Variants in SMYD3 observed in about 807,000 individuals in gnomAD.
The protein encoded by SMYD3 is SET and MYND domain containing 3.
SMYD3 carries 36 observed loss-of-function variants against 57.7 expected under a neutral mutation model. The observed-to-expected ratio is 0.62, with a 90% CI of 0.48 to 0.82. The LOEUF (loss-of-function observed/expected upper bound fraction) is 0.82. Ranked by LOEUF, SMYD3 falls within the 40% of genes least tolerant of loss-of-function variation. SMYD3 has a pLI of 0.00. For missense variants in SMYD3, 515 were observed against 538.8 expected, an observed-to-expected ratio of 0.96 and a Z score of 0.44; for synonymous variants, 211 against 195.0, an observed-to-expected ratio of 1.08 and a Z score of -0.68.
chr1:245,940,494 C>G (rs1248030009), intron 5 of SMYD3, among the ~76,000 whole-genome samples: 1 of 152,098 alleles, frequency 6.6e-6, no homozygotes, highest in African/African-American at 2.4e-5. Context: ...CAGGAAGCAC[C>G]CAGGTGAATA....
intron 5 of SMYD3, among the ~76,000 whole-genome samples, chr1:246,310,241 A>G (rs569995121): frequency 1.1e-4 from 17 of 151,664 alleles, no homozygotes; most frequent in African/African-American, 4.1e-4. Flanking sequence ...AGAGGACAAG[A>G]GAAATCGGAG....
At chr1:246,357,836 G>A (rs1055571958) in intron 1 of SMYD3, among the ~76,000 whole-genome samples, 1 of 151,998 alleles carries the variant, frequency 6.6e-6, no homozygotes, top group African/African-American at 2.4e-5. Context: ...ACAAATCCTC[G>A]AAATACACCA....
At chr1:246,278,207 A>G (rs559431937) in intron 5 of SMYD3, among the ~76,000 whole-genome samples, 2 of 151,462 alleles carry the variant, frequency 1.3e-5, no homozygotes, top group Non-Finnish European at 2.9e-5. Flanking sequence ...ACTCTCATGT[A>G]TGTCGATGTC....
intron 8 of SMYD3, among the ~76,000 whole-genome samples, chr1:245,864,181 TG>T (rs1456359738): frequency 6.6e-6 from 1 of 152,184 alleles, no homozygotes; most frequent in Non-Finnish European, 1.5e-5. Context: ...GAAAACACTC[TG>T]GAAGTTCCTC....
chr1:246,185,000 T>C (rs2062609815), intron 5 of SMYD3, among the ~76,000 whole-genome samples: 2 of 152,232 alleles, frequency 1.3e-5, no homozygotes, highest in South Asian at 4.1e-4. Context: ...GTTTCTTACA[T>C]TTCCTAATGC....
chr1:246,473,598 G>GC (rs1279062273), intron 1 of SMYD3, among the ~76,000 whole-genome samples: 3 of 152,048 alleles, frequency 2.0e-5, no homozygotes, highest in African/African-American at 4.8e-5. Flanking sequence ...TGCTAAAATT[G>GC]CCCCCCACCA....
intron 5 of SMYD3, among the ~76,000 whole-genome samples, chr1:246,265,876 A>G (rs1371570952): frequency 6.6e-6 from 1 of 152,216 alleles, no homozygotes; most frequent in Non-Finnish European, 1.5e-5. Flanking sequence ...ACAATCTTCC[A>G]GTTAATGAGA....
Position 245,751,519 on chromosome 1 carries a change from TGAGA to T in SMYD3, c.1186-1859_1186-1856del, listed in dbSNP as rs111682176. On this transcript the variant is annotated intron_variant, in intron 11 of 11. Transcript: ENST00000490107. ...GACAGAGGGGGTCTAGATTTGCTGC[TGAGA>T]GAGAGAGAAAGAGAGAGAAAGAGAG... Among the ~76,000 whole-genome samples, 863 of 87,698 alleles carry T rather than the reference TGAGA, an allele frequency of 9.8e-3. 3 individuals carry two copies. Among genetic ancestry groups the T allele is most frequent in the Middle Eastern group, 0.024 (4 of 170 alleles). The allele number at this position is 87,698 out of a possible 152,430, so 57.5% of individuals were successfully genotyped here.
At chr1:246,033,655 C>T (rs187086496) in intron 5 of SMYD3, among the ~76,000 whole-genome samples, 136 of 152,196 alleles carry the variant, frequency 8.9e-4, no homozygotes, top group Middle Eastern at 3.4e-3. Context: ...GGCGTGGTGG[C>T]GCGTGCCTGT....
chr1:246,153,658 G>C (rs1303906047), intron 5 of SMYD3, among the ~76,000 whole-genome samples: 1 of 151,972 alleles, frequency 6.6e-6, no homozygotes, highest in Non-Finnish European at 1.5e-5. Flanking sequence ...TTTTAATACA[G>C]ACAGGGTATC....
chr1:246,114,972 C>T (rs1044837549), intron 5 of SMYD3, among the ~76,000 whole-genome samples: 2 of 152,208 alleles, frequency 1.3e-5, no homozygotes, highest in East Asian at 3.9e-4. Flanking sequence ...AAATTATTTA[C>T]TTCCCGTGAA....
intron 2 of SMYD3, among the ~76,000 whole-genome samples, chr1:246,338,290 A>G (rs532726740): frequency 6.6e-6 from 1 of 152,360 alleles, no homozygotes; most frequent in East Asian, 1.9e-4. Context: ...AAAGGCTTAC[A>G]AAGAAATCTT....
intron 5 of SMYD3, among the ~76,000 whole-genome samples, chr1:246,104,632 G>A (rs938917326): frequency 2.6e-5 from 4 of 151,348 alleles, no homozygotes; most frequent in Admixed American, 2.6e-4. Flanking sequence ...GGACAGACTG[G>A]AAATGGGGGG....
At chr1:245,986,106 C>T (rs1185363213) in intron 5 of SMYD3, among the ~76,000 whole-genome samples, 9 of 152,184 alleles carry the variant, frequency 5.9e-5, no homozygotes, top group Middle Eastern at 3.2e-3. Context: ...TCGTTTTTAG[C>T]GTTTAATTCT....
intron 7 of SMYD3, among the ~76,000 whole-genome samples, chr1:245,926,028 G>C (rs944001597): frequency 6.6e-6 from 1 of 152,136 alleles, no homozygotes; most frequent in Non-Finnish European, 1.5e-5. Context: ...GCATGGCACC[G>C]GCATCTGGGG....
chr1:246,247,040 G>A (rs1339440395), intron 5 of SMYD3, among the ~76,000 whole-genome samples: 2 of 152,104 alleles, frequency 1.3e-5, no homozygotes, highest in African/African-American at 2.4e-5. Context: ...ATGCTCTTTT[G>A]TATATAACTC....
intron 5 of SMYD3, among the ~76,000 whole-genome samples, chr1:246,222,236 A>T (rs115663279): frequency 0.014 from 2,181 of 152,282 alleles, 29 homozygotes; most frequent in Non-Finnish European, 0.021. Context: ...ACTAATAATC[A>T]TAATAGAACT....
In SMYD3 at chr1:245,976,881, GGCCCAGGGAAAGCCATCGTCTCTA is replaced by G. The variant is rs2058443216; in HGVS notation, c.532-46968_532-46945del. 9.1e-5 allele frequency among the ~76,000 whole-genome samples: 2 copies of G among 21,912 alleles called. 1 individual carries two copies. The highest frequency in any genetic ancestry group is 2.6e-4 in the Non-Finnish European group (2 of 7,786). 14.4% of individuals were successfully genotyped at this position (21,912 alleles called of 152,430 possible). A position where few individuals can be genotyped will look rare whatever the true frequency, so the allele number is the denominator to read the frequency against. On this transcript the variant is annotated intron_variant, in intron 5 of 11. Coordinates refer to ENST00000490107, the MANE Select transcript of SMYD3 (RefSeq NM_001167740.2). ...TAGCCTAGGGAAAGCCATCGTCTCC[GGCCCAGGGAAAGCCATCGTCTCTA>G]GCCTAGGGAAAGCCATCGTCTCTAG...
At chr1:246,438,781 T>C (rs1451742965) in intron 1 of SMYD3, among the ~76,000 whole-genome samples, 1 of 151,230 alleles carries the variant, frequency 6.6e-6, no homozygotes, top group Non-Finnish European at 1.5e-5. Context: ...GATCATCCAA[T>C]CATCCGATCA....
Sources: gnomAD v4.1 joint callset for allele counts (sites outside exome capture counted in the v4.1 genomes callset) on GRCh38, gnomAD v4.1.1 for gene constraint, MANE v1.5 for transcripts, NCBI Gene and HGNC (gene_info 2026-07-23, HGNC 2026-07-21) for gene names.